ANO3: variants seen among roughly 807,000 people sequenced by gnomAD.
The protein encoded by ANO3 is anoctamin 3, also known as anoctamin-3.
A neutral mutation model predicts 144.8 loss-of-function variants in ANO3; 99 were observed. The observed-to-expected ratio is 0.68, with a 90% confidence interval of 0.58 to 0.81. ANO3 has a LOEUF of 0.81. ANO3 is among the 30% of genes least tolerant of loss of function. The pLI, the probability that ANO3 is intolerant of heterozygous loss-of-function variation, is 0.00. For synonymous variants in ANO3, 414 were observed against 392.6 expected (o/e 1.05, Z -0.64); for missense variants, 905 against 1,202.2 (o/e 0.75, Z 3.66).
At chr11:26,647,964 C>A in intron 24 of ANO3, 108 bp downstream of exon 24, 1 of 1,052,732 alleles carries the variant, frequency 9.5e-7, no homozygotes, top group Non-Finnish European at 1.3e-6. Context: ...TGTTTCTAAG[C>A]ATTGCATTTA....
chr11:26,192,095 A>G (rs866948734), intron 1 of ANO3, among the ~76,000 whole-genome samples: 3 of 152,196 alleles, frequency 2.0e-5, no homozygotes, highest in Non-Finnish European at 4.4e-5. Context: ...TATGTTCTGC[A>G]TTAGATTTTC....
At position 26,319,144 on chromosome 11, in the gene ANO3, C is replaced by CATTATTATTATTATTATTATTATTATT. The variant is rs376211456; in HGVS notation, c.-3+9445_-3+9446insTATTATTATTATTATTATTATTATTAT. Among the ~76,000 whole-genome samples the CATTATTATTATTATTATTATTATTATT allele has an allele frequency of 4.7e-4, 71 of 150,934 alleles. No homozygotes were observed. The East Asian group carries it at 5.5e-3, about 12-fold the overall frequency. On this transcript the variant is annotated intron_variant, in intron 1 of 26. Transcript: ENST00000525139. ...GGTGTGTGCCACTACTTCCAGATAA[C>CATTATTATTATTATTATTATTATTATT]ATTATTATTATTATTATTATCGTTA...
intron 1 of ANO3, among the ~76,000 whole-genome samples, chr11:26,355,659 A>T (rs1855763217): frequency 6.6e-6 from 1 of 151,630 alleles, no homozygotes; most frequent in African/African-American, 2.4e-5. Flanking sequence ...TCCCAGATAC[A>T]AGCGATTCTT....
At chr11:26,250,775 C>A (rs1329164624) in intron 1 of ANO3, among the ~76,000 whole-genome samples, 2 of 152,168 alleles carry the variant, frequency 1.3e-5, no homozygotes, top group Non-Finnish European at 2.9e-5. Context: ...TACATATGCA[C>A]ATTTGTATAC....
At chr11:26,657,309 C>T (rs1853719185) in intron 26 of ANO3, among the ~76,000 whole-genome samples, 1 of 152,072 alleles carries the variant, frequency 6.6e-6, no homozygotes, top group Admixed American at 6.6e-5. Flanking sequence ...ATGCTTACCC[C>T]TAAGGGTATC....
At chr11:26,385,632 C>G (rs1312136761) in intron 1 of ANO3, among the ~76,000 whole-genome samples, 1 of 152,092 alleles carries the variant, frequency 6.6e-6, no homozygotes, top group Non-Finnish European at 1.5e-5. Context: ...GACTGTGACT[C>G]TGCCTATTAA....
intron 24 of ANO3, among the ~76,000 whole-genome samples, chr11:26,650,613 A>G (rs1363422602): frequency 6.6e-6 from 1 of 152,218 alleles, no homozygotes; most frequent in Non-Finnish European, 1.5e-5. Context: ...ATTCCTCACC[A>G]TAATTTGGCC....
intron 1 of ANO3, among the ~76,000 whole-genome samples, chr11:26,399,418 G>A (rs957037180): frequency 2.2e-4 from 34 of 151,744 alleles, no homozygotes; most frequent in Non-Finnish European, 7.4e-5. Flanking sequence ...CATTAAATAT[G>A]AACTTTTCAG....
At chr11:26,385,661 A>T (rs902905165) in intron 1 of ANO3, among the ~76,000 whole-genome samples, 1 of 152,022 alleles carries the variant, frequency 6.6e-6, no homozygotes, top group Non-Finnish European at 1.5e-5. Context: ...CTGTGATTAC[A>T]CTGGGCCTAT....
intron 1 of ANO3, among the ~76,000 whole-genome samples, chr11:26,391,934 G>T (rs7483360): frequency 6.6e-6 from 1 of 152,002 alleles, no homozygotes; most frequent in South Asian, 2.1e-4. Context: ...TCACCATTTT[G>T]ATGTCTCAGT....
intron 1 of ANO3, among the ~76,000 whole-genome samples, chr11:26,236,083 C>T (rs1190396087): frequency 6.6e-6 from 1 of 152,134 alleles, no homozygotes; most frequent in East Asian, 1.9e-4. Flanking sequence ...GACTGTAGAA[C>T]TCCCATTCTG....
chr11:26,251,598 G>C (rs769502639), intron 1 of ANO3, among the ~76,000 whole-genome samples: 2 of 152,176 alleles, frequency 1.3e-5, no homozygotes, highest in African/African-American at 4.8e-5. Context: ...GATTTAGTGA[G>C]TGTATCAGTC....
At chr11:26,503,534 A>G (rs1387871022) in intron 4 of ANO3, among the ~76,000 whole-genome samples, 1 of 152,194 alleles carries the variant, frequency 6.6e-6, no homozygotes, top group Non-Finnish European at 1.5e-5. Flanking sequence ...TACGTAATTC[A>G]GAAGAGGTTT....
At position 26,597,409 on chromosome 11, in the gene ANO3, G is replaced by T. The variant is rs11029628; in HGVS notation, c.1448-956G>T. Among the ~76,000 whole-genome samples, 632 of 152,286 alleles carry T rather than the reference G, an allele frequency of 4.2e-3. 4 individuals carry two copies. The highest frequency in any genetic ancestry group is 0.014 in the African/African-American group (582 of 41,560). ...TTAGGACGAACCTGGGCACTTAGCC[G>T]TGCAGGAACAACGGCAAGCCTCTAG... On this transcript the variant is annotated intron_variant, in intron 14 of 26. Transcript: ENST00000256737.
intron 1 of ANO3, among the ~76,000 whole-genome samples, chr11:26,392,740 G>A (rs1463088967): frequency 2.0e-5 from 3 of 152,086 alleles, no homozygotes; most frequent in African/African-American, 7.2e-5. Flanking sequence ...GAATGAAAGA[G>A]AGAGAATAAC....
intron 21 of ANO3, among the ~76,000 whole-genome samples, chr11:26,641,508 A>T (rs980625198): frequency 2.6e-5 from 4 of 152,164 alleles, no homozygotes; most frequent in Middle Eastern, 3.2e-3. Flanking sequence ...GCAACAAAGA[A>T]GTTTAAGTAT....
chr11:26,400,423 C>T (rs1013383501), intron 1 of ANO3, among the ~76,000 whole-genome samples: 2 of 151,834 alleles, frequency 1.3e-5, no homozygotes, highest in Non-Finnish European at 2.9e-5. Flanking sequence ...TTTTTTATTG[C>T]AAATATAATA....
chr11:26,526,556 A>C (rs1849168393), intron 7 of ANO3, among the ~76,000 whole-genome samples: 2 of 152,160 alleles, frequency 1.3e-5, no homozygotes, highest in South Asian at 4.1e-4. Context: ...TTAGGAAATG[A>C]TTCAATAAAT....
intron 1 of ANO3, among the ~76,000 whole-genome samples, chr11:26,221,301 G>T (rs1292071150): frequency 1.3e-5 from 2 of 152,190 alleles, no homozygotes; most frequent in East Asian, 1.9e-4. Flanking sequence ...GTAATTCAGG[G>T]CTTGGGTTCC....
Sources: gnomAD v4.1 joint callset for allele counts (sites outside exome capture counted in the v4.1 genomes callset) on GRCh38, gnomAD v4.1.1 for gene constraint, MANE v1.5 for transcripts, NCBI Gene and HGNC (gene_info 2026-07-23, HGNC 2026-07-21) for gene names.